Variants in PKHD1 observed in about 807,000 individuals in gnomAD.
The protein encoded by PKHD1 is PKHD1 ciliary IPT domain containing fibrocystin/polyductin, also known as fibrocystin.
Under a neutral mutation model 412.0 loss-of-function variants are expected in PKHD1, and 291 were observed. That is an observed-to-expected ratio of 0.71 (90% CI 0.64 to 0.78). The LOEUF is 0.78. Ranked by LOEUF, PKHD1 falls within the 30% of genes least tolerant of loss-of-function variation. PKHD1 has a pLI of 0.00. For synonymous variants in PKHD1, 1,777 were observed against 1,821.5 expected (o/e 0.98, Z 0.62); for missense variants, 4,825 against 4,950.7 (o/e 0.97, Z 0.76).
At chr6:52,070,901 GTTA>G in intron 9 of PKHD1, 102 bp downstream of exon 9, 16 of 757,916 alleles carry the variant, frequency 2.1e-5, no homozygotes, top group Admixed American at 3.8e-5. Flanking sequence ...AGTAATTATT[GTTA>G]TTATTATTAT....
chr6:51,770,466 G>A (rs1789885327), intron 55 of PKHD1, among the ~76,000 whole-genome samples: 1 of 133,416 alleles, frequency 7.5e-6, no homozygotes, highest in Non-Finnish European at 1.7e-5. Context: ...GTTTTCCTCT[G>A]GTAAAAAAGT....
intron 66 of PKHD1, among the ~76,000 whole-genome samples, chr6:51,620,489 G>A (rs112409598): frequency 2.0e-4 from 30 of 152,054 alleles, no homozygotes; most frequent in African/African-American, 6.7e-4. Context: ...AACCCTGGGG[G>A]GTAGATGGTA....
intron 52 of PKHD1, among the ~76,000 whole-genome samples, chr6:51,798,046 C>T (rs963343330): frequency 1.3e-5 from 2 of 152,100 alleles, no homozygotes; most frequent in Non-Finnish European, 2.9e-5. Context: ...GATCTTATTT[C>T]ACTTTCAGTT....
At chr6:51,839,296 C>T (rs1562432273) in intron 50 of PKHD1, among the ~76,000 whole-genome samples, 1 of 152,144 alleles carries the variant, frequency 6.6e-6, no homozygotes. Context: ...CTTATGATTT[C>T]TGATTTTGTA....
At chr6:52,072,398 C>T (rs1810754248) in intron 7 of PKHD1, among the ~76,000 whole-genome samples, 1 of 152,172 alleles carries the variant, frequency 6.6e-6, no homozygotes, top group South Asian at 2.1e-4. Context: ...TCACACTAAA[C>T]AGAAAATAGT....
chr6:51,767,837 T>C (rs914796733), intron 55 of PKHD1, among the ~76,000 whole-genome samples: 1 of 152,208 alleles, frequency 6.6e-6, no homozygotes, highest in African/African-American at 2.4e-5. Flanking sequence ...TACCCAGTAA[T>C]GGGATGGCTG....
In PKHD1 at chr6:52,024,709, C is replaced by T. The variant is rs776105643; in HGVS notation, c.5101G>A (p.Val1701Ile). 42 of 1,614,212 alleles carry T rather than the reference C, an allele frequency of 2.6e-5. No individual in the cohort carries two copies. The highest frequency in any genetic ancestry group is 1.2e-4 in the Admixed American group (7 of 60,026). ...PCVGVSGNHT[V>I]LQCVVPSLPA... ...AGGGAAGGGACCACGCACTGAAGAA[C>T]GGTGTGGTTACCAGAGACACCCACA... The change falls in exon 32 of 67, where the codon GTT becomes ATT. Residue 1701 changes from valine to isoleucine, a missense_variant. By Grantham distance (29) the Val-to-Ile change is conservative. Transcript: ENST00000371117.
chr6:51,758,876 C>CA (rs36079870), intron 55 of PKHD1, among the ~76,000 whole-genome samples: 1 of 152,186 alleles, frequency 6.6e-6, no homozygotes, highest in South Asian at 2.1e-4. Flanking sequence ...AAAGTTTTTA[C>CA]AAAAATGTGT....
chr6:51,675,274 C>T (rs1031932964), intron 60 of PKHD1, among the ~76,000 whole-genome samples: 5 of 152,152 alleles, frequency 3.3e-5, no homozygotes, highest in Admixed American at 6.5e-5. Context: ...TTCTATAGAG[C>T]GTTCCATTTT....
intron 1 of PKHD1, among the ~76,000 whole-genome samples, 182 bp downstream of exon 1, chr6:52,087,252 C>T (rs1054292642): frequency 6.6e-6 from 1 of 152,054 alleles, no homozygotes; most frequent in Non-Finnish European, 1.5e-5. Context: ...CCTCTCTCTG[C>T]TCTCACTCCC....
intron 55 of PKHD1, among the ~76,000 whole-genome samples, chr6:51,757,068 G>A (rs1393903076): frequency 6.6e-6 from 1 of 152,118 alleles, no homozygotes; most frequent in African/African-American, 2.4e-5. Context: ...AGGCAGTAAT[G>A]CTCCCTTGCC....
intron 60 of PKHD1, chr6:51,682,265 A>G (rs761154474): frequency 2.9e-5 from 13 of 453,630 alleles, no homozygotes; most frequent in Admixed American, 2.4e-5. Flanking sequence ...ACAGAAACAT[A>G]ACACAATTTT....
intron 36 of PKHD1, among the ~76,000 whole-genome samples, chr6:51,950,864 G>A (rs1270975720): frequency 6.6e-6 from 1 of 152,136 alleles, no homozygotes; most frequent in Non-Finnish European, 1.5e-5. Flanking sequence ...AGAGTCTCCA[G>A]TTTCTGAAGG....
At chr6:51,963,434 T>C (rs1249673694) in intron 35 of PKHD1, among the ~76,000 whole-genome samples, 1 of 152,258 alleles carries the variant, frequency 6.6e-6, no homozygotes, top group Non-Finnish European at 1.5e-5. Flanking sequence ...GATGTACTCA[T>C]GCTTTTACAC....
At chr6:51,926,598 C>T (rs1450567463) in intron 37 of PKHD1, among the ~76,000 whole-genome samples, 1 of 152,136 alleles carries the variant, frequency 6.6e-6, no homozygotes. Flanking sequence ...TACATGCAAA[C>T]ACCTGAAATT....
At chr6:51,704,564 A>C (rs1562133984) in intron 60 of PKHD1, among the ~76,000 whole-genome samples, 1 of 152,242 alleles carries the variant, frequency 6.6e-6, no homozygotes, top group Middle Eastern at 3.4e-3. Context: ...AAAATTAAGA[A>C]GAAAGGATGG....
chr6:51,793,449 C>T (rs1794081138), intron 52 of PKHD1, among the ~76,000 whole-genome samples: 1 of 152,144 alleles, frequency 6.6e-6, no homozygotes, highest in Non-Finnish European at 1.5e-5. Context: ...CTGCACAGAT[C>T]ATCCCATCAC....
At chr6:52,069,333 T>C (rs1261979530) in intron 11 of PKHD1, 124 bp downstream of exon 11, 7 of 786,736 alleles carry the variant, frequency 8.9e-6, no homozygotes, top group African/African-American at 5.1e-5. Flanking sequence ...CACCAGGCTG[T>C]CTATGATTGT....
At chr6:51,802,714 C>T (rs1763120903) in intron 52 of PKHD1, among the ~76,000 whole-genome samples, 1 of 151,340 alleles carries the variant, frequency 6.6e-6, no homozygotes, top group Admixed American at 6.6e-5. Context: ...GCTGTTTAGG[C>T]AAAGGTCCAG....
Sources: allele counts gnomAD v4.1 joint callset (sites outside exome capture counted in the v4.1 genomes callset), GRCh38; gene constraint gnomAD v4.1.1; transcripts MANE v1.5; gene names NCBI Gene and HGNC (gene_info 2026-07-23, HGNC 2026-07-21).